Variants in NAA38 observed in about 807,000 individuals in gnomAD.
NAA38 encodes N-alpha-acetyltransferase 38, NatC auxiliary subunit.
In NAA38, 15 loss-of-function variants were observed where a neutral mutation model predicts 12.6. The observed-to-expected ratio is 1.19, with a 90% CI of 0.79 to 1.83. The LOEUF (loss-of-function observed/expected upper bound fraction) is 1.83, where lower values mean the gene tolerates loss of function less well. NAA38 is among the 40% of genes most tolerant of loss of function. NAA38 has a pLI of 0.00. For synonymous variants in NAA38, 88 were observed against 69.9 expected, an observed-to-expected ratio of 1.26 and a Z score of -1.29; for missense variants, 183 against 171.7, an observed-to-expected ratio of 1.07 and a Z score of -0.37.
upstream of NAA38, chr17:7,860,115 C>T (rs1454728379): frequency 1.8e-5 from 3 of 171,012 alleles, no homozygotes; most frequent in African/African-American, 4.8e-5. Context: ...GCAATTCAGG[C>T]TAGATATTAT....
At chr17:7,880,670 T>C (rs1032853120) in intron 2 of NAA38, among the ~76,000 whole-genome samples, 2 of 152,232 alleles carry the variant, frequency 1.3e-5, no homozygotes, top group African/African-American at 4.8e-5. Flanking sequence ...TCTGTGTGCA[T>C]GTAAGCTCAG....
chr17:7,883,134 C>T (rs1967318914), intron 2 of NAA38: 2 of 152,162 alleles, frequency 1.3e-5, no homozygotes, highest in Non-Finnish European at 2.9e-5. Flanking sequence ...GACTCCTTTC[C>T]AACTGTCCAA....
At chr17:7,866,272 TTTTTTTTTGG>T (rs1040700084) in intron 3 of NAA38, among the ~76,000 whole-genome samples, 1 of 143,266 alleles carries the variant, frequency 7.0e-6, no homozygotes, top group African/African-American at 2.7e-5. Context: ...TTTTTTTTTT[TTTTTTTTTGG>T]TATTTTTAGT....
chr17:7,858,712 AT>A, upstream of NAA38: 2 of 1,610,350 alleles, frequency 1.2e-6, no homozygotes, highest in Non-Finnish European at 1.7e-6. Context: ...TGGGCCAACG[AT>A]TTTGGGAAGC....
At chr17:7,858,550 G>T, upstream of NAA38, 2 of 1,612,956 alleles carry the variant, frequency 1.2e-6, no homozygotes, top group Non-Finnish European at 8.5e-7. Flanking sequence ...AAAGGCGGAG[G>T]CTAGCCAGAG....
upstream of NAA38, chr17:7,857,589 C>A: frequency 7.2e-7 from 1 of 1,388,052 alleles, no homozygotes; most frequent in East Asian, 2.7e-5. Context: ...CCCTCCTAGT[C>A]TCCTCGGCAA....
intron 2 of NAA38, among the ~76,000 whole-genome samples, chr17:7,874,019 AAAC>A (rs1228123740): frequency 1.2e-4 from 19 of 152,342 alleles, no homozygotes; most frequent in South Asian, 4.1e-4. Flanking sequence ...TCCTGGGTGT[AAAC>A]AAGCAACCAA....
At chr17:7,858,610 G>A, upstream of NAA38, 2 of 1,605,160 alleles carry the variant, frequency 1.2e-6, no homozygotes, top group Non-Finnish European at 1.7e-6. Context: ...TTAAAGATCC[G>A]CAAGCACATA....
intron 2 of NAA38, among the ~76,000 whole-genome samples, chr17:7,877,262 C>T (rs982066028): frequency 6.6e-6 from 1 of 152,028 alleles, no homozygotes; most frequent in African/African-American, 2.4e-5. Context: ...ACCAATGTTA[C>T]CAGTTTGGTA....
upstream of NAA38, chr17:7,859,141 G>C (rs2078862298): frequency 3.4e-6 from 2 of 593,888 alleles, no homozygotes. Flanking sequence ...CTACTCTGTT[G>C]CATGGATATA....
At chr17:7,877,450 T>G (rs2151392159) in intron 2 of NAA38, among the ~76,000 whole-genome samples, 1 of 135,916 alleles carries the variant, frequency 7.4e-6, no homozygotes, top group Admixed American at 7.6e-5. Flanking sequence ...AGTAACTCAT[T>G]TTTCTTTTTT....
At chr17:7,884,778 G>C in intron 1 of NAA38, 1 of 385,992 alleles carries the variant, frequency 2.6e-6, no homozygotes, top group Non-Finnish European at 4.4e-6. Flanking sequence ...CGGTGGGTGG[G>C]GGGGTGGTGG....
intron 2 of NAA38, among the ~76,000 whole-genome samples, chr17:7,870,937 G>A (rs1967075719): frequency 6.6e-6 from 1 of 151,370 alleles, no homozygotes; most frequent in Non-Finnish European, 1.5e-5. Context: ...ATGTTGCCCA[G>A]GCTGATCTTG....
chr17:7,866,416 G>A lies in NAA38; in HGVS notation c.3+75C>T, dbSNP rs1326897100. ...AGCCATTGCGCCCGGCCGCCACGGG[G>A]AACTTTTAAAGTTCCCATGTTAAAA... On this transcript the variant is annotated intron_variant, in intron 3 of 4. Coordinates refer to the NAA38 transcript ENST00000576861. 8.5e-6 allele frequency: 10 copies of A among 1,183,020 alleles called. No individual in the cohort carries two copies. In the South Asian group the frequency reaches 3.9e-4, roughly 46 times the overall value. 73.3% of individuals were successfully genotyped at this position (1,183,020 alleles called of 1,614,324 possible).
chr17:7,883,455 T>A (rs755881547), intron 1 of NAA38: 1 of 152,126 alleles, frequency 6.6e-6, no homozygotes, highest in Non-Finnish European at 1.5e-5. Context: ...GAATTTTACA[T>A]TCTAACAATT....
upstream of NAA38, chr17:7,859,213 T>C (rs555857908): frequency 1.5e-5 from 9 of 619,500 alleles, no homozygotes; most frequent in Non-Finnish European, 2.5e-5. Flanking sequence ...CATTAAGATC[T>C]GTAGGACTTT....
At chr17:7,857,755 T>C (rs548177202), upstream of NAA38, 1 of 1,274,616 alleles carries the variant, frequency 7.8e-7, no homozygotes, top group East Asian at 3.3e-5. Flanking sequence ...TCTTTCATAC[T>C]GCCTCCTCCC....
chr17:7,867,567 G>T (rs1428079436), intron 2 of NAA38, among the ~76,000 whole-genome samples: 2 of 152,186 alleles, frequency 1.3e-5, no homozygotes, highest in Non-Finnish European at 2.9e-5. Flanking sequence ...TTGAACTCCT[G>T]ACAATCCACC....
intron 2 of NAA38, among the ~76,000 whole-genome samples, chr17:7,868,862 C>G (rs1597879450): frequency 6.6e-6 from 1 of 152,326 alleles, no homozygotes; most frequent in African/African-American, 2.4e-5. Flanking sequence ...GTTTATTCCT[C>G]CATTAGGAGA....
Sources: allele counts gnomAD v4.1 joint callset (sites outside exome capture counted in the v4.1 genomes callset), GRCh38; gene constraint gnomAD v4.1.1; transcripts MANE v1.5; gene names NCBI Gene and HGNC (gene_info 2026-07-23, HGNC 2026-07-21).